Variants in TULP4 observed in about 807,000 individuals in gnomAD.
TULP4 encodes TUB like protein 4, also known as tubby-related protein 4.
In TULP4, 16 loss-of-function variants were observed where a neutral mutation model predicts 129.0. The observed-to-expected ratio is 0.12, with a 90% confidence interval of 0.08 to 0.19. The LOEUF (loss-of-function observed/expected upper bound fraction) is 0.19. Among genes scored for constraint, TULP4 ranks in the 10% least tolerant of loss-of-function variants. TULP4 has a pLI of 1.00. For synonymous variants in TULP4, 998 were observed against 854.0 expected, an observed-to-expected ratio of 1.17 and a Z score of -2.94; for missense variants, 1,842 against 2,059.1, an observed-to-expected ratio of 0.89 and a Z score of 2.04.
intron 1 of TULP4, among the ~76,000 whole-genome samples, chr6:158,343,405 C>T (rs1483607752): frequency 1.3e-5 from 2 of 152,124 alleles, no homozygotes; most frequent in African/African-American, 4.8e-5. Flanking sequence ...GTGAGTGTTA[C>T]GGGCTGAACA....
chr6:158,315,924 C>T (rs1240131084), intron 1 of TULP4, among the ~76,000 whole-genome samples: 1 of 152,250 alleles, frequency 6.6e-6, no homozygotes, highest in Non-Finnish European at 1.5e-5. Context: ...GATACCACCA[C>T]ATGGGGATTA....
At chr6:158,367,666 G>A (rs947345900) in intron 1 of TULP4, among the ~76,000 whole-genome samples, 3 of 152,156 alleles carry the variant, frequency 2.0e-5, no homozygotes, top group Non-Finnish European at 2.9e-5. Context: ...AATTTGGCAA[G>A]TAGAAATTCT....
In TULP4 at chr6:158,502,969, G is replaced by T; in HGVS notation, c.3306G>T (p.Lys1102Asn). The T allele has an allele frequency of 6.2e-7, 1 of 1,613,894 alleles. No individual in the cohort carries two copies. ...EALSQHCQLE[K>N]PLRHPPLPEA... ...TGTCCCAGCACTGTCAGCTTGAGAA[G>T]CCCTTGAGGCACCCTCCCCTGCCTG... Residue 1102 changes from lysine to asparagine, a missense_variant, in exon 13 of 14, where the codon AAG becomes AAT. Physicochemically the swap from Lys to Asn is moderately conservative, Grantham distance 94 (BLOSUM62 0). This residue lies in a region of TULP4 where 1,089 missense variants were observed against 987.1 expected (regional missense o/e 1.10). Coordinates refer to ENST00000367097, the MANE Select transcript of TULP4 (RefSeq NM_020245.5).
chr6:158,362,493 G>A (rs1044568446), intron 1 of TULP4, among the ~76,000 whole-genome samples: 10 of 152,226 alleles, frequency 6.6e-5, no homozygotes, highest in African/African-American at 1.9e-4. Flanking sequence ...GGCACTACAG[G>A]TGTGTGCTCC....
At chr6:158,422,194 T>G (rs1490601263) in intron 2 of TULP4, among the ~76,000 whole-genome samples, 1 of 152,186 alleles carries the variant, frequency 6.6e-6, no homozygotes, top group Non-Finnish European at 1.5e-5. Flanking sequence ...AAATTAGTTC[T>G]TTGGAAACAA....
chr6:158,502,343 A>C lies in TULP4; in HGVS notation c.2680A>C (p.Ser894Arg). 6.2e-7 allele frequency: 1 copy of C among 1,613,714 alleles called. No individual in the cohort carries two copies. Residue 894 changes from serine (S) to arginine (R), a missense_variant, in exon 13 of 14, where the codon AGT (serine) becomes CGT (arginine). Physicochemically the swap from Ser to Arg is moderately radical, Grantham distance 110. This residue lies in a region of TULP4 where 1,089 missense variants were observed against 987.1 expected (regional missense o/e 1.10). Transcript: ENST00000367097. ...GYERITTFDS[S>R]GNVEEVCRPR... Reference sequence around the variant, plus strand: ...TGAGAGGATCACCACCTTCGACAGCAGTGGCAACGTGGAGGAGGTGTGCCG... The same window carrying C: ...TGAGAGGATCACCACCTTCGACAGCCGTGGCAACGTGGAGGAGGTGTGCCG...
chr6:158,372,158 T>G (rs1777086553), intron 1 of TULP4, among the ~76,000 whole-genome samples: 1 of 65,198 alleles, frequency 1.5e-5, no homozygotes, highest in Non-Finnish European at 3.0e-5. Flanking sequence ...AATTCCATTC[T>G]ATCTGCTTTT....
intron 8 of TULP4, among the ~76,000 whole-genome samples, chr6:158,483,270 A>G (rs1309633008): frequency 1.3e-5 from 2 of 152,348 alleles, no homozygotes; most frequent in South Asian, 4.1e-4. Context: ...AATGGCATAT[A>G]TAAACTATTT....
At chr6:158,431,464 A>G (rs965521317) in intron 3 of TULP4, among the ~76,000 whole-genome samples, 5 of 152,194 alleles carry the variant, frequency 3.3e-5, no homozygotes, top group African/African-American at 1.2e-4. Context: ...TGTCCCCAGC[A>G]GACTGTGCAC....
rs1279125219 is a variant in TULP4, at chr6:158,489,591, A to T, written c.1490A>T (p.Glu497Val). 2 of 1,613,972 alleles carry T rather than the reference A, an allele frequency of 1.2e-6. No individual in the cohort carries two copies. Among genetic ancestry groups the T allele is most frequent in the Non-Finnish European group, 1.7e-6 (2 of 1,180,030 alleles). ...CTGCTGGTTGGTGTTTTACCAGATG[A>T]AATCTATGGGAACAGCTTGATTTCT... ...MDPRTDSKPD[E>V]IYGNSLISTV... Residue 497 changes from glutamate to valine, a missense_variant, in exon 9 of 14, where the codon GAA becomes GTA. Transcript: ENST00000367097.
intron 1 of TULP4, among the ~76,000 whole-genome samples, chr6:158,328,133 CGT>C (rs1779792211): frequency 3.3e-5 from 2 of 60,878 alleles, no homozygotes; most frequent in African/African-American, 7.3e-5. Context: ...TGTGTGCGTG[CGT>C]GCTGGGAAAG....
At chr6:158,232,549 CTT>C (rs1418088885) in intron 1 of TULP4, among the ~76,000 whole-genome samples, 1 of 151,828 alleles carries the variant, frequency 6.6e-6, no homozygotes, top group Non-Finnish European at 1.5e-5. Context: ...CTGTGGGAGC[CTT>C]TTGTCTCCGC....
chr6:158,446,544 T>C (rs1166632050), intron 3 of TULP4, among the ~76,000 whole-genome samples: 1 of 152,166 alleles, frequency 6.6e-6, no homozygotes, highest in Non-Finnish European at 1.5e-5. Flanking sequence ...CAATGCAGAG[T>C]CATTTCCTCC....
chr6:158,481,464 C>A (rs1306858084), intron 8 of TULP4, 175 bp downstream of exon 8: 6 of 653,144 alleles, frequency 9.2e-6, no homozygotes, highest in South Asian at 1.8e-5. Flanking sequence ...GAACAGTTCT[C>A]TAAATGTACT....
chr6:158,279,046 TCTC>T (rs1778698959), upstream of TULP4, among the ~76,000 whole-genome samples: 1 of 145,538 alleles, frequency 6.9e-6, no homozygotes, highest in South Asian at 2.2e-4. Context: ...TTCACGCCAT[TCTC>T]CTGCCTCAGC....
Position 158,239,611 on chromosome 6 carries a change from C to T in TULP4, n.68+7308C>T, listed in dbSNP as rs1230427556. On this transcript the variant is annotated intron_variant and non_coding_transcript_variant, in intron 1 of 1. Transcript: ENST00000620026. ...GGGCTGACCCCCCCCACCTCCCTCCCGGACGGGGCGGCTGGCCGGGTGGGG... is the reference window on the plus strand; with the variant it reads ...GGGCTGACCCCCCCCACCTCCCTCCTGGACGGGGCGGCTGGCCGGGTGGGG... Among the ~76,000 whole-genome samples, 13 of 63,104 alleles carry T rather than the reference C, an allele frequency of 2.1e-4. 1 individual carries two copies. The highest frequency in any genetic ancestry group is 3.9e-4 in the Non-Finnish European group (11 of 28,404). 41.4% of individuals were successfully genotyped at this position (63,104 alleles called of 152,430 possible). A position where few individuals can be genotyped will look rare whatever the true frequency, so the allele number is the denominator to read the frequency against.
intron 1 of TULP4, among the ~76,000 whole-genome samples, chr6:158,358,498 C>G (rs997393864): frequency 6.6e-6 from 1 of 152,150 alleles, no homozygotes; most frequent in Non-Finnish European, 1.5e-5. Context: ...GGCAGTTAGC[C>G]CTTGAGGGTG....
Position 158,418,099 on chromosome 6 carries a change from G to GTT in TULP4, c.381+4922_381+4923dup, listed in dbSNP as rs35832683. ...AGTTTCTGCCTTTTTGTGTGTGTGTGTTTTTTTTTTTTTTTTTGGGAGCGG... is the reference window on the plus strand; with the variant it reads ...AGTTTCTGCCTTTTTGTGTGTGTGTGTTTTTTTTTTTTTTTTTTTGGGAGCGG... On this transcript the variant is annotated intron_variant, in intron 2 of 13. Transcript: ENST00000367097. 3.4e-4 allele frequency among the ~76,000 whole-genome samples: 46 copies of GTT among 134,262 alleles called. 2 individuals are homozygous for GTT. The highest frequency in any genetic ancestry group is 1.2e-3 in the African/African-American group (42 of 35,640). 88.1% of individuals were successfully genotyped at this position (134,262 alleles called of 152,430 possible). A position where few individuals can be genotyped will look rare whatever the true frequency, so the allele number is the denominator to read the frequency against.
At chr6:158,278,437 T>G (rs1778684417), upstream of TULP4, among the ~76,000 whole-genome samples, 1 of 152,146 alleles carries the variant, frequency 6.6e-6, no homozygotes, top group Non-Finnish European at 1.5e-5. Context: ...TCCAGCACTT[T>G]CCAAAAGATA....
Sources: gnomAD v4.1 joint callset for allele counts (sites outside exome capture counted in the v4.1 genomes callset) on GRCh38, gnomAD v4.1.1 for gene constraint, gnomAD v4.1.1 regional missense constraint, MANE v1.5 for transcripts, NCBI Gene and HGNC (gene_info 2026-07-23, HGNC 2026-07-21) for gene names.